The following RPGRIP1L variants were observed in gnomAD, a reference collection of about 807,000 sequenced individuals.
RPGRIP1L encodes RPGRIP1 like.
A neutral mutation model predicts 160.4 loss-of-function variants in RPGRIP1L; 131 were observed. The observed-to-expected ratio is 0.82, with a 90% CI of 0.71 to 0.94. The LOEUF is 0.94. Among genes scored for constraint, RPGRIP1L ranks in the 40% least tolerant of loss-of-function variants. The probability of loss-of-function intolerance (pLI) is 0.00; values close to 1 mark genes in which losing one functional copy is unlikely to be tolerated. For missense variants in RPGRIP1L, 1,522 were observed against 1,535.8 expected (o/e 0.99, Z 0.15); for synonymous variants, 510 against 515.8 (o/e 0.99, Z 0.15).
chr16:53,666,523 A>G (rs62050418), intron 9 of RPGRIP1L, among the ~76,000 whole-genome samples: 33 of 152,012 alleles, frequency 2.2e-4, no homozygotes, highest in Non-Finnish European at 4.0e-4. Context: ...CAAATTGTAT[A>G]TATCAAACAC....
chr16:53,652,442 A>T, intron 15 of RPGRIP1L, 93 bp downstream of exon 15: 1 of 993,474 alleles, frequency 1.0e-6, no homozygotes, highest in Non-Finnish European at 1.6e-6. Flanking sequence ...AGGCACCTTT[A>T]ATATACAAGA....
At chr16:53,684,298 G>A (rs941204327) in intron 6 of RPGRIP1L, among the ~76,000 whole-genome samples, 1 of 152,132 alleles carries the variant, frequency 6.6e-6, no homozygotes, top group Non-Finnish European at 1.5e-5. Context: ...GCACACGTAT[G>A]TTTATTGTGG....
chr16:53,610,394 G>A (rs1963951758), intron 25 of RPGRIP1L, among the ~76,000 whole-genome samples: 1 of 152,144 alleles, frequency 6.6e-6, no homozygotes, highest in Non-Finnish European at 1.5e-5. Flanking sequence ...AGGCTGATGA[G>A]CCATTACAAA....
chr16:53,649,130 A>C lies in RPGRIP1L; in HGVS notation c.2153-15T>G, dbSNP rs772173634. ...TCCTTTTGTTCCTACAAATCAGTAC[A>C]TAACCCAAGGTTAAAATAGTTTCAT... is the stretch of plus-strand genomic sequence containing the variant. On this transcript the variant is annotated splice_polypyrimidine_tract_variant and intron_variant, in intron 15 of 26. Transcript: ENST00000647211. The C allele has an allele frequency of 4.3e-6, 7 of 1,612,658 alleles. No homozygotes were observed. Among genetic ancestry groups the C allele is most frequent in the Non-Finnish European group, 5.9e-6 (7 of 1,178,700 alleles).
chr16:53,625,683 C>T (rs575686442), intron 22 of RPGRIP1L, among the ~76,000 whole-genome samples: 3 of 151,968 alleles, frequency 2.0e-5, no homozygotes, highest in Non-Finnish European at 4.4e-5. Flanking sequence ...ATGAGGATGG[C>T]GGTTTTGTCG....
At chr16:53,701,056 G>T (rs1971353977) in intron 1 of RPGRIP1L, among the ~76,000 whole-genome samples, 1 of 152,144 alleles carries the variant, frequency 6.6e-6, no homozygotes, top group Non-Finnish European at 1.5e-5. Context: ...ACTCAGGTCA[G>T]GAACTTGATT....
In RPGRIP1L at chr16:53,675,130, G is replaced by A. The variant is rs771509380; in HGVS notation, c.777-8C>T. ...TTGTCCCGAATATTTGACCTTCAGA[G>A]TTGTGTTTAAGAAAAAGAGAGACAG... On this transcript the variant is annotated splice_region_variant and splice_polypyrimidine_tract_variant and intron_variant, in intron 6 of 26. Coordinates refer to ENST00000647211, the MANE Select transcript of RPGRIP1L (RefSeq NM_015272.5). The A allele has an allele frequency of 6.3e-7, 1 of 1,588,714 alleles. No individual in the cohort carries two copies. The highest frequency in any genetic ancestry group is 8.6e-7 in the Non-Finnish European group (1 of 1,159,148).
intron 6 of RPGRIP1L, among the ~76,000 whole-genome samples, chr16:53,678,855 A>G (rs1475482655): frequency 6.6e-6 from 1 of 152,218 alleles, no homozygotes; most frequent in Non-Finnish European, 1.5e-5. Context: ...AGTGGCAGAC[A>G]TTCTGTAGCT....
Position 53,605,577 on chromosome 16 carries a change from C to T in RPGRIP1L, c.3739G>A (p.Glu1247Lys), listed in dbSNP as rs201312119. The stretch of plus-strand genomic sequence containing the variant: ...ATGTCCTCACACTCCAGGTCCTGCT[C>T]GTCCTCTGGAGGGTCACTGACCACG... ...FTVVSDPPED[E>K]QDLECEDIGV... Residue 1247 changes from glutamate (E) to lysine (K), a missense_variant, in exon 26 of 27, where the codon GAG (glutamate) becomes AAG (lysine). By Grantham distance (56) the Glu-to-Lys change is moderately conservative. Coordinates refer to ENST00000647211, the MANE Select transcript of RPGRIP1L (RefSeq NM_015272.5). 70 of 1,614,086 alleles carry T rather than the reference C, an allele frequency of 4.3e-5. No homozygotes were observed. The highest frequency in any genetic ancestry group is 1.1e-4 in the East Asian group (5 of 44,872).
intron 10 of RPGRIP1L, chr16:53,659,649 G>A (rs1967596657): frequency 6.6e-6 from 1 of 152,184 alleles, no homozygotes; most frequent in Non-Finnish European, 1.5e-5. Flanking sequence ...TTGGGAGGCT[G>A]AGGCAGGAGG....
At chr16:53,656,444 G>A in intron 14 of RPGRIP1L, 28 bp downstream of exon 14, 1 of 1,414,942 alleles carries the variant, frequency 7.1e-7, no homozygotes, top group South Asian at 1.1e-5. Context: ...TCTAGTTACT[G>A]TGGACCAAAA....
chr16:53,636,462 G>T lies in RPGRIP1L; in HGVS notation c.3271C>A (p.Pro1091Thr), dbSNP rs1436900505. ...ACCTGTTTGATATTCTTGGAGATAG[G>T]ACCTGGAATAATACAGTCATCACTG... ...SDSDDCIIPG[P>T]ISKNIKQSLA... is the part of the protein sequence containing the mutation. Residue 1091 changes from proline (P) to threonine (T), a missense_variant, in exon 22 of 27, where the codon CCT (proline) becomes ACT (threonine). Physicochemically the swap from Pro to Thr is conservative, Grantham distance 38. Coordinates refer to ENST00000647211, the MANE Select transcript of RPGRIP1L (RefSeq NM_015272.5). 6.2e-7 allele frequency: 1 copy of T among 1,611,720 alleles called. No homozygotes were observed. The highest frequency in any genetic ancestry group is 1.3e-5 in the African/African-American group (1 of 74,816).
chr16:53,641,564 G>T, intron 17 of RPGRIP1L, 89 bp from the exon 18 acceptor site: 1 of 1,165,164 alleles, frequency 8.6e-7, no homozygotes, highest in South Asian at 1.3e-5. Context: ...CCTACTTTAA[G>T]AGACTCATGC....
In RPGRIP1L at chr16:53,696,181, T is replaced by A. The variant is rs763837182; in HGVS notation, c.200A>T (p.His67Leu). The change falls in exon 3 of 27, where the codon CAT (histidine) becomes CTT (leucine). Residue 67 changes from histidine (H) to leucine (L), a missense_variant. Physicochemically the swap from His to Leu is moderately conservative, Grantham distance 99. Coordinates refer to ENST00000647211, the MANE Select transcript of RPGRIP1L (RefSeq NM_015272.5). ...LHDENILLKQ[H>L]ARKQEDKIKR... ...AATTTTATCCTCCTGCTTGCGGGCATGCTGTTTAAGTAAAATGTTCTCATC... is the reference window on the plus strand; with the variant it reads ...AATTTTATCCTCCTGCTTGCGGGCAAGCTGTTTAAGTAAAATGTTCTCATC... 1.8e-5 allele frequency: 29 copies of A among 1,613,944 alleles called. No homozygotes were observed. The highest frequency in any genetic ancestry group is 2.4e-5 in the Non-Finnish European group (28 of 1,179,982).
In RPGRIP1L at chr16:53,626,784, G is replaced by A. The variant is rs141729181; in HGVS notation, c.3295-4428C>T. 5.5e-3 allele frequency among the ~76,000 whole-genome samples: 773 copies of A among 140,538 alleles called. 7 individuals are homozygous for A. Among genetic ancestry groups the A allele is most frequent in the Non-Finnish European group, 6.8e-3 (451 of 66,522 alleles). The allele number at this position is 140,538 out of a possible 152,430, so 92.2% of individuals were successfully genotyped here. On this transcript the variant is annotated intron_variant, in intron 22 of 26. Transcript: ENST00000647211. The stretch of plus-strand genomic sequence containing the variant: ...TGCACTACTACACTCCACCCTGGGT[G>A]ACAGAGTGAGACCCTGTCTCTCAAA...
chr16:53,645,664 C>T lies in RPGRIP1L; in HGVS notation c.2644G>A (p.Val882Met), dbSNP rs763875453. 6.2e-7 allele frequency: 1 copy of T among 1,613,988 alleles called. No homozygotes were observed. The highest frequency in any genetic ancestry group is 1.7e-5 in the Admixed American group (1 of 60,004). Reference sequence around the variant, plus strand: ...TCATGTGCCAACGAAATCAGAGGCACATTGACTTTTCCTATGTAAATATTC... The same window carrying T: ...TCATGTGCCAACGAAATCAGAGGCATATTGACTTTTCCTATGTAAATATTC... Reference protein sequence around the residue: ...QENIYIGKVNVPLISLAHDRC... With the variant: ...QENIYIGKVNMPLISLAHDRC... Residue 882 changes from valine (V) to methionine (M), a missense_variant, in exon 17 of 27, where the codon GTG (valine) becomes ATG (methionine). Physicochemically the swap from Val to Met is conservative, Grantham distance 21. Transcript: ENST00000647211.
At chr16:53,702,394 T>C (rs751692997) in intron 1 of RPGRIP1L, among the ~76,000 whole-genome samples, 10 of 152,206 alleles carry the variant, frequency 6.6e-5, no homozygotes, top group Non-Finnish European at 1.3e-4. Flanking sequence ...GACATAATAA[T>C]GAATTATCCA....
intron 21 of RPGRIP1L, among the ~76,000 whole-genome samples, chr16:53,636,746 T>A (rs1965859660): frequency 6.6e-6 from 1 of 152,092 alleles, no homozygotes; most frequent in Admixed American, 6.6e-5. Flanking sequence ...CCAATAAAAA[T>A]ACAGCTTATT....
intron 20 of RPGRIP1L, 25 bp from the exon 21 acceptor site, chr16:53,637,879 A>T: frequency 6.2e-7 from 1 of 1,605,434 alleles, no homozygotes; most frequent in Non-Finnish European, 8.5e-7. Context: ...GCACACTGGT[A>T]TATTTATAAT....
Sources: allele counts gnomAD v4.1 joint callset (sites outside exome capture counted in the v4.1 genomes callset), GRCh38; gene constraint gnomAD v4.1.1; transcripts MANE v1.5; gene names NCBI Gene and HGNC (gene_info 2026-07-23, HGNC 2026-07-21).